SLC26A7: variants seen among roughly 807,000 people sequenced by gnomAD.
The protein encoded by SLC26A7 is anion exchange transporter.
Under a neutral mutation model 82.5 loss-of-function variants are expected in SLC26A7, and 59 were observed. The observed-to-expected ratio is 0.72, with a 90% CI of 0.58 to 0.89. SLC26A7 has a LOEUF of 0.89. Ranked by LOEUF, SLC26A7 falls within the 40% of genes least tolerant of loss-of-function variation. The probability of loss-of-function intolerance (pLI) is 0.00; values close to 1 mark genes in which losing one functional copy is unlikely to be tolerated. For synonymous variants in SLC26A7, 271 were observed against 274.3 expected (o/e 0.99, Z 0.12); for missense variants, 820 against 793.0 (o/e 1.03, Z -0.41).
chr8:91,332,642 G>T (rs1055373950), intron 5 of SLC26A7, among the ~76,000 whole-genome samples: 1 of 150,580 alleles, frequency 6.6e-6, no homozygotes, highest in Non-Finnish European at 1.5e-5. Context: ...ATTCCCCACC[G>T]CCAGCAGTCT....
intron 2 of SLC26A7, among the ~76,000 whole-genome samples, chr8:91,273,410 G>T (rs1811324310): frequency 6.6e-6 from 1 of 152,112 alleles, no homozygotes. Flanking sequence ...TGGGAATGCT[G>T]ACATTTAAGA....
intron 2 of SLC26A7, among the ~76,000 whole-genome samples, chr8:91,232,764 A>T (rs1471304655): frequency 6.6e-6 from 1 of 152,230 alleles, no homozygotes; most frequent in Non-Finnish European, 1.5e-5. Flanking sequence ...AGAATCAGGC[A>T]CTGCCTATGC....
intron 2 of SLC26A7, among the ~76,000 whole-genome samples, chr8:91,283,091 C>T (rs1427529703): frequency 9.2e-5 from 14 of 152,124 alleles, no homozygotes; most frequent in Admixed American, 9.2e-4. Flanking sequence ...TAAAAACATT[C>T]TAGAACTTTT....
At chr8:91,366,439 C>T (rs926817195) in intron 13 of SLC26A7, 141 bp from the exon 14 acceptor site, 20 of 827,746 alleles carry the variant, frequency 2.4e-5, no homozygotes, top group Non-Finnish European at 3.8e-5. Flanking sequence ...TGTGATAGTA[C>T]ATTAAGGCCT....
chr8:91,382,738 A>C (rs925994692), intron 15 of SLC26A7, among the ~76,000 whole-genome samples: 4 of 152,204 alleles, frequency 2.6e-5, no homozygotes, highest in African/African-American at 9.6e-5. Flanking sequence ...ACTAGATTTT[A>C]AGGTAAATAA....
At chr8:91,315,746 T>C (rs143396246) in intron 4 of SLC26A7, among the ~76,000 whole-genome samples, 7 of 152,308 alleles carry the variant, frequency 4.6e-5, no homozygotes, top group Non-Finnish European at 1.0e-4. Context: ...AGTTAGAAAA[T>C]GTAGTGTGGC....
intron 15 of SLC26A7, among the ~76,000 whole-genome samples, chr8:91,373,516 G>T (rs1814424214): frequency 6.6e-6 from 1 of 151,970 alleles, no homozygotes; most frequent in Non-Finnish European, 1.5e-5. Flanking sequence ...TCTATGTGGT[G>T]AACCACATTT....
In SLC26A7 at chr8:91,210,767, T is replaced by C. The variant is rs553552553; in HGVS notation, c.-150+1225T>C. Among the ~76,000 whole-genome samples, 11 of 152,162 alleles carry C rather than the reference T, an allele frequency of 7.2e-5. No homozygotes were observed. In the East Asian group the frequency reaches 2.1e-3, roughly 29 times the overall value. The stretch of plus-strand genomic sequence containing the variant: ...AACATAATGGCATAAGAATATAGCA[T>C]GGATTAAAAACATAATGGTTAAAAG... On this transcript the variant is annotated intron_variant, in intron 1 of 5. Transcript: ENST00000522862.
intron 15 of SLC26A7, among the ~76,000 whole-genome samples, chr8:91,387,486 G>A (rs1314797908): frequency 6.6e-6 from 1 of 152,158 alleles, no homozygotes; most frequent in Non-Finnish European, 1.5e-5. Context: ...GGCACTACTG[G>A]AGTACCTGGC....
intron 2 of SLC26A7, among the ~76,000 whole-genome samples, chr8:91,264,070 G>A (rs577369099): frequency 1.1e-4 from 17 of 152,070 alleles, no homozygotes; most frequent in Non-Finnish European, 2.4e-4. Context: ...ATGTTGCTCC[G>A]CTTTCCTAAA....
intron 1 of SLC26A7, among the ~76,000 whole-genome samples, chr8:91,211,450 G>A (rs1193295128): frequency 6.0e-5 from 9 of 151,150 alleles, no homozygotes; most frequent in Middle Eastern, 3.4e-3. Context: ...TTTAAATGCC[G>A]TTCATAAGTT....
chr8:91,296,089 C>T lies in SLC26A7; in HGVS notation c.477+386C>T, dbSNP rs180854248. On this transcript the variant is annotated intron_variant, in intron 4 of 18. Transcript: ENST00000276609. Reference sequence around the variant, plus strand: ...CAATAGGAAGGAGATGTGACCAGATCTCTAGTGTCCTTCCCAGTTTTCAGA... The same window carrying T: ...CAATAGGAAGGAGATGTGACCAGATTTCTAGTGTCCTTCCCAGTTTTCAGA... 1.2e-4 allele frequency among the ~76,000 whole-genome samples: 18 copies of T among 152,268 alleles called. No individual in the cohort carries two copies. In the East Asian group the frequency reaches 3.1e-3, roughly 26 times the overall value.
chr8:91,356,757 G>T (rs988784661), intron 11 of SLC26A7, among the ~76,000 whole-genome samples: 20 of 152,122 alleles, frequency 1.3e-4, no homozygotes, highest in African/African-American at 2.2e-4. Context: ...GTCAATTTTG[G>T]CTTTTGTTGC....
chr8:91,338,655 A>G (rs961440718), intron 7 of SLC26A7, among the ~76,000 whole-genome samples: 1 of 152,124 alleles, frequency 6.6e-6, no homozygotes, highest in Admixed American at 6.6e-5. Context: ...AGGCCTGGGT[A>G]GTATATAATA....
intron 2 of SLC26A7, among the ~76,000 whole-genome samples, chr8:91,254,606 C>CT (rs984930255): frequency 1.3e-5 from 2 of 152,020 alleles, no homozygotes; most frequent in African/African-American, 4.8e-5. Context: ...AGTCCAGCAG[C>CT]TTTATTAGAC....
chr8:91,326,389 C>T (rs566638202), intron 5 of SLC26A7, among the ~76,000 whole-genome samples: 11 of 152,228 alleles, frequency 7.2e-5, no homozygotes, highest in Non-Finnish European at 1.6e-4. Context: ...TTTGAGGCCT[C>T]CCCGCTTGGC....
chr8:91,209,779 T>G (rs925714807), intron 1 of SLC26A7, among the ~76,000 whole-genome samples: 47 of 152,218 alleles, frequency 3.1e-4, no homozygotes, highest in African/African-American at 1.0e-3. Context: ...ACCTTATCTA[T>G]TCCATCATGT....
intron 9 of SLC26A7, among the ~76,000 whole-genome samples, chr8:91,349,510 A>C (rs1419423443): frequency 6.6e-6 from 1 of 152,180 alleles, no homozygotes; most frequent in African/African-American, 2.4e-5. Flanking sequence ...GTTAGGTTGT[A>C]ATTTCTATAA....
intron 16 of SLC26A7, among the ~76,000 whole-genome samples, chr8:91,390,110 C>CTTTT (rs1202015002): frequency 1.8e-3 from 252 of 139,216 alleles, no homozygotes; most frequent in Middle Eastern, 3.8e-3. Context: ...CCCCACCCGC[C>CTTTT]TTTTTTTTTT....
Sources: allele counts gnomAD v4.1 joint callset (sites outside exome capture counted in the v4.1 genomes callset), GRCh38; gene constraint gnomAD v4.1.1; transcripts MANE v1.5; gene names NCBI Gene and HGNC (gene_info 2026-07-23, HGNC 2026-07-21).